CCR6: variants seen among roughly 807,000 people sequenced by gnomAD.
CCR6 encodes the protein C-C motif chemokine receptor 6, also known as C-C chemokine receptor type 6.
Under a neutral mutation model 3.0 loss-of-function variants are expected in CCR6, and 2 were observed. The observed-to-expected ratio is 0.66, with a 90% CI of 0.27 to 2.07. The LOEUF (loss-of-function observed/expected upper bound fraction) is 2.07, where lower values mean the gene tolerates loss of function less well. CCR6 is among the 30% of genes most tolerant of loss of function. CCR6 has a pLI of 0.14. For missense variants in CCR6, 322 were observed against 462.8 expected, an observed-to-expected ratio of 0.70 and a Z score of 2.79; for synonymous variants, 193 against 184.3, an observed-to-expected ratio of 1.05 and a Z score of -0.38.
chr6:167,137,052 G>T lies in CCR6; in HGVS notation c.822G>T (p.Leu274=), dbSNP rs750700748. The T allele has an allele frequency of 6.8e-6, 11 of 1,614,052 alleles. No individual in the cohort carries two copies. In the African/African-American group the frequency reaches 1.3e-4, roughly 20 times the overall value. ...LACQIPHNMV[L]LVTAANLGKM... ...GTCAGATTCCTCATAACATGGTCCT[G>T]CTTGTGACGGCTGCAAATTTGGGTA... Residue 274 remains leucine (L), a synonymous_variant, in exon 3 of 3, where the codon CTG becomes CTT. Coordinates refer to ENST00000341935, the MANE Select transcript of CCR6 (RefSeq NM_031409.4). This position sits in a 1 kb window ranked among gnomAD's most constrained non-coding sequence, Gnocchi z 4.6.
At chr6:167,127,771 G>A (rs1420400533) in intron 1 of CCR6, among the ~76,000 whole-genome samples, 3 of 152,154 alleles carry the variant, frequency 2.0e-5, no homozygotes, top group African/African-American at 4.8e-5. Flanking sequence ...AAGGTTCTGC[G>A]ATTACAGGTG....
upstream of CCR6, chr6:167,121,350 T>C (rs569499163): frequency 6.6e-6 from 1 of 152,496 alleles, no homozygotes; most frequent in Admixed American, 6.5e-5. Context: ...TTTTTCGTTT[T>C]CTTTCTTTTC....
At chr6:167,121,004 T>C (rs1369999705), upstream of CCR6, 3 of 152,266 alleles carry the variant, frequency 2.0e-5, no homozygotes, top group Admixed American at 2.0e-4. Context: ...CATATGGAGC[T>C]TCCACCTCAG....
In CCR6 at chr6:167,112,876, C is replaced by G. The variant is rs116701794; in HGVS notation, c.-98+862C>G. Among the ~76,000 whole-genome samples, 236 of 152,242 alleles carry G rather than the reference C, an allele frequency of 1.6e-3. 1 individual carries two copies. The highest frequency in any genetic ancestry group is 5.4e-3 in the African/African-American group (224 of 41,528). ...CTGATGGGTCTGCTTCAAGAGAATT[C>G]TTGATGCTGCAATGCATCAGAAGGA... On this transcript the variant is annotated intron_variant, in intron 1 of 2. Coordinates refer to the CCR6 transcript ENST00000400926.
In CCR6 at chr6:167,136,662, C is replaced by T; in HGVS notation, c.432C>T (p.Tyr144=). The change falls in exon 3 of 3, where the codon TAC becomes TAT. Residue 144 remains tyrosine, a synonymous_variant. Coordinates refer to ENST00000341935, the MANE Select transcript of CCR6 (RefSeq NM_031409.4). The surrounding 1 kb of genome is among the most constrained non-coding windows in gnomAD (Gnocchi z 4.6). The stretch of plus-strand genomic sequence containing the variant: ...TGACTTGCATTAGCATGGACCGGTA[C>T]ATCGCCATTGTACAGGCGACTAAGT... The part of the protein sequence containing the change: ...LLLTCISMDR[Y]IAIVQATKSF... 1 of 1,614,160 alleles carries T rather than the reference C, an allele frequency of 6.2e-7. No individual in the cohort carries two copies. The highest frequency in any genetic ancestry group is 1.1e-5 in the South Asian group (1 of 91,086).
chr6:167,136,710 A>G lies in CCR6; in HGVS notation c.480A>G (p.Thr160=), dbSNP rs997360848. The G allele has an allele frequency of 6.2e-7, 1 of 1,614,086 alleles. No individual in the cohort carries two copies. Among genetic ancestry groups the G allele is most frequent in the Non-Finnish European group, 8.5e-7 (1 of 1,180,030 alleles). The stretch of plus-strand genomic sequence containing the variant: ...AGTCATTCCGGCTCCGATCCAGAAC[A>G]CTACCGCGCAGCAAAATCATCTGCC... ...ATKSFRLRSR[T]LPRSKIICLV... is the part of the protein sequence containing the mutation. The change falls in exon 3 of 3, where the codon ACA becomes ACG. Residue 160 remains threonine (T), a synonymous_variant. Transcript: ENST00000341935. This position sits in a 1 kb window ranked among gnomAD's most constrained non-coding sequence, Gnocchi z 4.6.
At chr6:167,125,614 G>T (rs952417157) in intron 1 of CCR6, among the ~76,000 whole-genome samples, 6 of 152,216 alleles carry the variant, frequency 3.9e-5, no homozygotes, top group African/African-American at 1.4e-4. Flanking sequence ...TGAAGGCCGG[G>T]GGGAGATGAG....
chr6:167,124,822 C>T (rs934977783), intron 1 of CCR6, among the ~76,000 whole-genome samples: 11 of 148,198 alleles, frequency 7.4e-5, no homozygotes, highest in African/African-American at 2.5e-4. Flanking sequence ...CACACATATG[C>T]GTGCATATAT....
intron 1 of CCR6, among the ~76,000 whole-genome samples, chr6:167,114,168 C>A (rs1781456227): frequency 6.6e-6 from 1 of 152,232 alleles, no homozygotes; most frequent in Non-Finnish European, 1.5e-5. Flanking sequence ...TCTCCGGCAG[C>A]TTCTGCCTCT....
intron 1 of CCR6, among the ~76,000 whole-genome samples, chr6:167,128,359 T>A (rs1356070335): frequency 2.6e-5 from 4 of 152,168 alleles, no homozygotes; most frequent in Non-Finnish European, 5.9e-5. Context: ...CCGCGCTCTA[T>A]CTATTATTGG....
chr6:167,124,317 A>G (rs547448880), intron 1 of CCR6, among the ~76,000 whole-genome samples: 77 of 151,044 alleles, frequency 5.1e-4, no homozygotes, highest in African/African-American at 1.2e-3. Context: ...TCACCGGGGG[A>G]AAACAAAAAA....
chr6:167,132,091 C>A (rs1391551038), intron 1 of CCR6, among the ~76,000 whole-genome samples: 2 of 152,224 alleles, frequency 1.3e-5, no homozygotes, highest in Non-Finnish European at 2.9e-5. Flanking sequence ...AGTGCATGGT[C>A]TCTTCTGCCT....
At chr6:167,132,407 G>T (rs1225573321) in intron 1 of CCR6, among the ~76,000 whole-genome samples, 1 of 152,168 alleles carries the variant, frequency 6.6e-6, no homozygotes, top group Non-Finnish European at 1.5e-5. Flanking sequence ...CCTTGGAGTG[G>T]CTGTGTGATC....
upstream of CCR6, chr6:167,119,399 T>C (rs1395235614): frequency 2.0e-5 from 3 of 152,274 alleles, no homozygotes; most frequent in Admixed American, 6.5e-5. Flanking sequence ...TTTCCAACTA[T>C]ATGAGTTCCC....
At chr6:167,134,452 T>C (rs558141810) in intron 1 of CCR6, among the ~76,000 whole-genome samples, 1 of 152,260 alleles carries the variant, frequency 6.6e-6, no homozygotes, top group African/African-American at 2.4e-5. Flanking sequence ...TGAGGGGCAG[T>C]GAAGAACCGA....
chr6:167,122,136 A>G (rs1781598598), upstream of CCR6, among the ~76,000 whole-genome samples: 1 of 152,194 alleles, frequency 6.6e-6, no homozygotes, highest in African/African-American at 2.4e-5. This position sits in a 1 kb window ranked among gnomAD's most constrained non-coding sequence, Gnocchi z 4.2. Context: ...AGAGCTGGGC[A>G]GCGGGCAGTG....
chr6:167,123,005 G>T (rs560611376), upstream of CCR6: 1 of 152,750 alleles, frequency 6.5e-6, no homozygotes, highest in South Asian at 2.1e-4. Context: ...GATATACATG[G>T]TTAACCATTT....
At chr6:167,129,684 C>G (rs973344043) in intron 1 of CCR6, 12 of 151,742 alleles carry the variant, frequency 7.9e-5, no homozygotes, top group South Asian at 4.2e-4. Context: ...TGTGATAAAG[C>G]TCAGTCAATG....
At chr6:167,126,824 G>A (rs916741542) in intron 1 of CCR6, among the ~76,000 whole-genome samples, 17 of 152,308 alleles carry the variant, frequency 1.1e-4, no homozygotes, top group South Asian at 6.2e-4. Flanking sequence ...GAGTTCTCAC[G>A]GGATCTGATG....
Sources: allele counts gnomAD v4.1 joint callset (sites outside exome capture counted in the v4.1 genomes callset), GRCh38; gene constraint gnomAD v4.1.1; non-coding constraint Gnocchi (gnomAD v3.1); transcripts MANE v1.5; gene names NCBI Gene and HGNC (gene_info 2026-07-23, HGNC 2026-07-21).